PTPRN2: variants seen among roughly 807,000 people sequenced by gnomAD.
PTPRN2 encodes the protein protein tyrosine phosphatase receptor type N2.
In PTPRN2, 74 loss-of-function variants were observed where a neutral mutation model predicts 118.8. The ratio of observed to expected loss-of-function variants is 0.62; its 90% CI spans 0.52 to 0.76. The LOEUF is 0.76. Among genes scored for constraint, PTPRN2 ranks in the 30% least tolerant of loss-of-function variants. The pLI, the probability that PTPRN2 is intolerant of heterozygous loss-of-function variation, is 0.00. For missense variants in PTPRN2, 1,481 were observed against 1,394.4 expected (o/e 1.06, Z -0.99); for synonymous variants, 641 against 608.0 (o/e 1.05, Z -0.80).
intron 2 of PTPRN2, among the ~76,000 whole-genome samples, chr7:158,441,053 A>G (rs1231694770): frequency 1.8e-4 from 7 of 38,610 alleles, no homozygotes; most frequent in Non-Finnish European, 3.0e-4. Context: ...TGATGGTGGT[A>G]GTGATGGGGG....
intron 13 of PTPRN2, among the ~76,000 whole-genome samples, chr7:157,662,394 G>C (rs1795931572): frequency 6.6e-6 from 1 of 152,208 alleles, no homozygotes; most frequent in South Asian, 2.1e-4. Flanking sequence ...AGCCAGGCTG[G>C]GTCAGACTCG....
intron 3 of PTPRN2, among the ~76,000 whole-genome samples, chr7:158,261,485 G>A (rs1563052507): frequency 1.3e-5 from 2 of 152,252 alleles, no homozygotes; most frequent in East Asian, 1.9e-4. Context: ...AGGGCCCAGC[G>A]ACTCCCTGCA....
chr7:158,304,566 A>G (rs1467785821), intron 3 of PTPRN2, among the ~76,000 whole-genome samples: 2 of 152,124 alleles, frequency 1.3e-5, no homozygotes, highest in African/African-American at 2.4e-5. Flanking sequence ...CTAGAGAGGC[A>G]TAAGACACCC....
At chr7:158,203,596 A>AC (rs56277723) in intron 4 of PTPRN2, among the ~76,000 whole-genome samples, 37,809 of 151,054 alleles carry the variant, frequency 0.25, 5,789 homozygotes, top group African/African-American at 0.42. Flanking sequence ...CCTGTTCTGC[A>AC]CCCCCCCAGA....
intron 2 of PTPRN2, among the ~76,000 whole-genome samples, chr7:158,381,715 T>G (rs189301174): frequency 4.1e-4 from 63 of 152,300 alleles, no homozygotes; most frequent in Admixed American, 1.0e-3. Context: ...TCTGTTTTCA[T>G]GCTGTTGATA....
intron 2 of PTPRN2, among the ~76,000 whole-genome samples, chr7:158,430,475 C>T (rs549546738): frequency 5.3e-5 from 8 of 152,364 alleles, no homozygotes; most frequent in East Asian, 1.9e-4. Context: ...TTCCCAGAAG[C>T]GCTCTGTGGT....
At chr7:157,694,553 G>A (rs1344356800) in intron 12 of PTPRN2, among the ~76,000 whole-genome samples, 1 of 152,182 alleles carries the variant, frequency 6.6e-6, no homozygotes, top group Non-Finnish European at 1.5e-5. Context: ...TATTTGAGGT[G>A]CTGGTTCTTT....
chr7:158,251,368 G>A (rs1260330389), intron 3 of PTPRN2, among the ~76,000 whole-genome samples: 1 of 152,086 alleles, frequency 6.6e-6, no homozygotes, highest in African/African-American at 2.4e-5. Context: ...GTGCATGTGG[G>A]GCGTGTGCAG....
intron 1 of PTPRN2, among the ~76,000 whole-genome samples, chr7:158,553,480 C>T (rs72505578): frequency 2.6e-5 from 4 of 151,782 alleles, no homozygotes; most frequent in Non-Finnish European, 4.4e-5. Context: ...GTCTACACCA[C>T]CTTTCCTGTC....
intron 3 of PTPRN2, among the ~76,000 whole-genome samples, chr7:158,308,683 ATTAATAAT>A (rs1248321147): frequency 4.0e-5 from 1 of 24,984 alleles, no homozygotes; most frequent in African/African-American, 7.4e-5. Flanking sequence ...GTTAATTTGA[ATTAATAAT>A]TAAATTAATA....
At chr7:157,767,164 C>T (rs1350016241) in intron 12 of PTPRN2, among the ~76,000 whole-genome samples, 1 of 152,120 alleles carries the variant, frequency 6.6e-6, no homozygotes, top group Non-Finnish European at 1.5e-5. Context: ...ACTGAGCTTC[C>T]CTGGCTGCAG....
chr7:157,730,739 G>A (rs915152129), intron 12 of PTPRN2, among the ~76,000 whole-genome samples: 9 of 152,160 alleles, frequency 5.9e-5, no homozygotes, highest in Admixed American at 5.9e-4. Context: ...GGACAGAGCC[G>A]GCCCTCCCAA....
chr7:158,205,917 G>A (rs1016726868), intron 3 of PTPRN2, among the ~76,000 whole-genome samples: 6 of 152,168 alleles, frequency 3.9e-5, no homozygotes, highest in Admixed American at 3.3e-4. Context: ...ACCCATCCCA[G>A]TGGTCAGAAT....
chr7:158,481,807 T>C (rs1157031238), intron 2 of PTPRN2, among the ~76,000 whole-genome samples: 1 of 152,192 alleles, frequency 6.6e-6, no homozygotes, highest in Admixed American at 6.5e-5. Context: ...ACAGCTGCCA[T>C]AGATAGTGAT....
chr7:158,379,640 C>T (rs1340787689), intron 2 of PTPRN2, among the ~76,000 whole-genome samples: 1 of 152,184 alleles, frequency 6.6e-6, no homozygotes, highest in East Asian at 1.9e-4. Context: ...CACAGCACAG[C>T]CCACAGGTGG....
At chr7:158,444,890 C>T (rs1021506365) in intron 2 of PTPRN2, among the ~76,000 whole-genome samples, 1 of 152,214 alleles carries the variant, frequency 6.6e-6, no homozygotes, top group Non-Finnish European at 1.5e-5. Context: ...GCTCAGGGCC[C>T]GCTCTCTTTC....
At position 158,258,257 on chromosome 7, in the gene PTPRN2, G is replaced by A. The variant is rs117075501; in HGVS notation, c.278-52984C>T. ...CAGAGCCTGCTCCAGGGTGAACACAGGCCGTCCTGAATCAGCCGCTGACGC... is the reference window on the plus strand; with the variant it reads ...CAGAGCCTGCTCCAGGGTGAACACAAGCCGTCCTGAATCAGCCGCTGACGC... On this transcript the variant is annotated intron_variant, in intron 3 of 22. Transcript: ENST00000389418. Among the ~76,000 whole-genome samples, 89 of 152,312 alleles carry A rather than the reference G, an allele frequency of 5.8e-4. 1 individual carries two copies. The highest frequency in any genetic ancestry group is 1.5e-3 in the South Asian group (7 of 4,824).
chr7:158,258,460 G>A (rs993790124), intron 3 of PTPRN2, among the ~76,000 whole-genome samples: 5 of 152,214 alleles, frequency 3.3e-5, no homozygotes, highest in African/African-American at 1.2e-4. Context: ...ACGACCCTGT[G>A]AGTACGCACT....
intron 14 of PTPRN2, among the ~76,000 whole-genome samples, chr7:157,643,739 C>A (rs974129167): frequency 6.6e-6 from 1 of 152,228 alleles, no homozygotes; most frequent in East Asian, 1.9e-4. Flanking sequence ...TGGGAGCAGG[C>A]GGCCAGGCTC....
Sources: gnomAD v4.1 joint callset for allele counts (sites outside exome capture counted in the v4.1 genomes callset) on GRCh38, gnomAD v4.1.1 for gene constraint, MANE v1.5 for transcripts, NCBI Gene and HGNC (gene_info 2026-07-23, HGNC 2026-07-21) for gene names.